Variants in SLC24A2 observed in about 807,000 individuals in gnomAD.
The protein encoded by SLC24A2 is sodium/potassium/calcium exchanger 2.
SLC24A2 carries 36 observed loss-of-function variants against 62.0 expected under a neutral mutation model. The observed-to-expected ratio is 0.58, with a 90% CI of 0.44 to 0.77. SLC24A2 has a LOEUF of 0.77. Among genes scored for constraint, SLC24A2 ranks in the 30% least tolerant of loss-of-function variants. The probability of loss-of-function intolerance (pLI) is 0.00; values close to 1 mark genes in which losing one functional copy is unlikely to be tolerated. For synonymous variants in SLC24A2, 358 were observed against 294.0 expected (o/e 1.22, Z -2.23); for missense variants, 846 against 817.9 (o/e 1.03, Z -0.42).
At chr9:20,078,844 G>T in the SLC24A2 span, among the ~76,000 whole-genome samples, 1 of 152,092 alleles carries the variant, frequency 6.6e-6, no homozygotes, top group African/African-American at 2.4e-5. Flanking sequence ...GAAGAAAAAG[G>T]GACATAGATA....
chr9:19,832,626 A>G, the SLC24A2 span, among the ~76,000 whole-genome samples: 1 of 152,186 alleles, frequency 6.6e-6, no homozygotes, highest in South Asian at 2.1e-4. Flanking sequence ...TACACCTAAA[A>G]CCATAAAAAC....
the SLC24A2 span, among the ~76,000 whole-genome samples, chr9:19,966,741 C>A: frequency 1.3e-5 from 2 of 151,966 alleles, no homozygotes; most frequent in Non-Finnish European, 2.9e-5. Flanking sequence ...GCTTCTAAAC[C>A]CAAACAAAAA....
chr9:20,036,118 T>C, the SLC24A2 span, among the ~76,000 whole-genome samples: 50 of 152,192 alleles, frequency 3.3e-4, no homozygotes, highest in Non-Finnish European at 6.2e-4. Context: ...CCGAAGTAGA[T>C]TCAAAGAGCT....
In SLC24A2 at chr9:19,749,484, A is replaced by G. The variant is rs185256817; in HGVS notation, c.930+36453T>C. Among the ~76,000 whole-genome samples the G allele has an allele frequency of 8.8e-4, 134 of 152,276 alleles. 1 individual carries two copies. The highest frequency in any genetic ancestry group is 3.1e-3 in the African/African-American group (129 of 41,560). On this transcript the variant is annotated intron_variant, in intron 2 of 10. Transcript: ENST00000341998. ...AACCAGAGCTCAGCCACATCATCCA[A>G]GAAATGAGTTTAGCTGGTCTCTTCC...
chr9:19,983,214 A>G, the SLC24A2 span, among the ~76,000 whole-genome samples: 1 of 152,206 alleles, frequency 6.6e-6, no homozygotes, highest in Non-Finnish European at 1.5e-5. Flanking sequence ...GAAAGACATA[A>G]AACTATCTCT....
At chr9:19,736,266 A>G (rs2118742770) in intron 2 of SLC24A2, among the ~76,000 whole-genome samples, 1 of 152,320 alleles carries the variant, frequency 6.6e-6, no homozygotes, top group South Asian at 2.1e-4. Context: ...AGAGAAAAAT[A>G]ATATAGTCTC....
the SLC24A2 span, among the ~76,000 whole-genome samples, chr9:20,086,381 C>G: frequency 1.3e-5 from 2 of 152,160 alleles, no homozygotes; most frequent in African/African-American, 4.8e-5. Flanking sequence ...TTGCATAGCA[C>G]AGGACTCACC....
the SLC24A2 span, among the ~76,000 whole-genome samples, chr9:20,005,420 T>C: frequency 2.0e-5 from 3 of 152,172 alleles, no homozygotes; most frequent in Non-Finnish European, 4.4e-5. Flanking sequence ...TGTTAGCTTG[T>C]TTAATCTTCA....
At chr9:19,886,277 T>C in the SLC24A2 span, among the ~76,000 whole-genome samples, 4 of 152,344 alleles carry the variant, frequency 2.6e-5, no homozygotes, top group Admixed American at 2.0e-4. Flanking sequence ...TTTGACTTTT[T>C]AATCATAGCC....
the SLC24A2 span, among the ~76,000 whole-genome samples, chr9:20,006,865 C>A: frequency 3.3e-5 from 5 of 152,130 alleles, no homozygotes; most frequent in African/African-American, 9.7e-5. Flanking sequence ...GCAAGCCTAA[C>A]TTTTTTTATT....
At chr9:19,978,467 A>G in the SLC24A2 span, among the ~76,000 whole-genome samples, 2 of 152,184 alleles carry the variant, frequency 1.3e-5, no homozygotes, top group Non-Finnish European at 2.9e-5. Flanking sequence ...TGAACCTAGT[A>G]TAACTTCTAC....
intron 2 of SLC24A2, among the ~76,000 whole-genome samples, chr9:19,698,155 A>G (rs1383359902): frequency 1.3e-5 from 2 of 152,136 alleles, no homozygotes; most frequent in Non-Finnish European, 2.9e-5. Context: ...CAAAATCTGA[A>G]ATGCTCCAAA....
the SLC24A2 span, among the ~76,000 whole-genome samples, chr9:19,889,705 C>T: frequency 1.2e-4 from 19 of 152,152 alleles, no homozygotes; most frequent in Admixed American, 2.6e-4. Flanking sequence ...GAATTGATGG[C>T]CCTGGCATCT....
the SLC24A2 span, among the ~76,000 whole-genome samples, chr9:19,983,994 GCTC>G: frequency 6.6e-6 from 1 of 152,152 alleles, no homozygotes; most frequent in African/African-American, 2.4e-5. Context: ...CATTCAGTAT[GCTC>G]CTCAACTTAC....
At chr9:20,246,422 A>C in the SLC24A2 span, among the ~76,000 whole-genome samples, 1 of 152,222 alleles carries the variant, frequency 6.6e-6, no homozygotes, top group African/African-American at 2.4e-5. Context: ...AGAATTACCC[A>C]TACTGGATTT....
At chr9:19,967,163 A>T in the SLC24A2 span, 25 of 152,196 alleles carry the variant, frequency 1.6e-4, no homozygotes, top group Non-Finnish European at 3.1e-4. Flanking sequence ...TCTGGAATAA[A>T]TCATAAATTG....
the SLC24A2 span, chr9:19,895,654 G>C: frequency 1.7e-6 from 1 of 580,056 alleles, no homozygotes; most frequent in Non-Finnish European, 2.9e-6. Context: ...CACCAAGTCT[G>C]CTCCCCTGCA....
At chr9:20,092,050 A>G in the SLC24A2 span, among the ~76,000 whole-genome samples, 15 of 152,296 alleles carry the variant, frequency 9.8e-5, no homozygotes, top group East Asian at 2.9e-3. Flanking sequence ...ATGAGAACAC[A>G]TGGACACAAA....
chr9:19,574,067 A>G (rs1835936774), intron 6 of SLC24A2, among the ~76,000 whole-genome samples: 1 of 152,104 alleles, frequency 6.6e-6, no homozygotes, highest in African/African-American at 2.4e-5. Context: ...GGACTTGGGA[A>G]TCTTATCTGT....
Sources: gnomAD v4.1 joint callset for allele counts (sites outside exome capture counted in the v4.1 genomes callset) on GRCh38, gnomAD v4.1.1 for gene constraint, MANE v1.5 for transcripts, NCBI Gene and HGNC (gene_info 2026-07-23, HGNC 2026-07-21) for gene names.